The following RSPH6A variants were observed in gnomAD, a reference collection of about 807,000 sequenced individuals.
RSPH6A encodes the protein radial spoke head protein 6 homolog A.
A neutral mutation model predicts 66.1 loss-of-function variants in RSPH6A; 49 were observed. The observed-to-expected ratio is 0.74, with a 90% CI of 0.59 to 0.94. RSPH6A has a LOEUF of 0.94. RSPH6A is among the 40% of genes least tolerant of loss of function. The pLI is 0.00. For missense variants in RSPH6A, 977 were observed against 948.3 expected, an observed-to-expected ratio of 1.03 and a Z score of -0.40; for synonymous variants, 419 against 402.4, an observed-to-expected ratio of 1.04 and a Z score of -0.49.
At chr19:45,805,673 T>G (rs551720957) in intron 2 of RSPH6A, among the ~76,000 whole-genome samples, 1 of 148,294 alleles carries the variant, frequency 6.7e-6, no homozygotes, top group Non-Finnish European at 1.5e-5. Flanking sequence ...GCCTGGGTGA[T>G]AGAGTGAGAC....
intron 2 of RSPH6A, among the ~76,000 whole-genome samples, chr19:45,809,938 TTA>T (rs1316440829): frequency 2.0e-5 from 3 of 152,220 alleles, no homozygotes; most frequent in African/African-American, 7.2e-5. Context: ...CATGCATTTT[TTA>T]TGAGTCATTT....
In RSPH6A at chr19:45,800,530, A is replaced by G. The variant is rs199759812; in HGVS notation, c.1832T>C (p.Leu611Pro). The change falls in exon 5 of 6, where the codon CTG becomes CCG. Residue 611 changes from leucine (L) to proline (P), a missense_variant. By Grantham distance (98) the Leu-to-Pro change is moderately conservative. Transcript: ENST00000221538. ...IMHLAPWTTR[L>P]SCSLCPQYSV... ...GTACTGCGGGCAGAGGCTGCAGGAC[A>G]GGCGGGTGGTCCAGGGTGCCAGGTG... 7.4e-6 allele frequency: 12 copies of G among 1,613,150 alleles called. No homozygotes were observed. In the African/African-American group the frequency reaches 1.3e-4, roughly 18 times the overall value.
chr19:45,797,679 C>T (rs1970422835), intron 5 of RSPH6A, among the ~76,000 whole-genome samples: 1 of 151,612 alleles, frequency 6.6e-6, no homozygotes, highest in Non-Finnish European at 1.5e-5. Context: ...GGGCTCGAGA[C>T]CACCCTGGTG....
rs1970675704 is a variant in RSPH6A at position 45,814,541 on chromosome 19, A to G, written c.636T>C (p.Asn212=). The change falls in exon 1 of 6, where the codon AAT becomes AAC. Residue 212 remains asparagine (N), a synonymous_variant. Coordinates refer to ENST00000221538, the MANE Select transcript of RSPH6A (RefSeq NM_030785.4). ...CCCCTGCTCACAGGCTGAGGTCGCA[A>G]TTGATGCTGGTCTGCAGCAGGTAGG... ...AKAYLLQTSI[N]CDLSLYEHLV... is the part of the protein sequence containing the mutation. The G allele has an allele frequency of 3.3e-6, 5 of 1,509,786 alleles. No homozygotes were observed. The highest frequency in any genetic ancestry group is 4.5e-5 in the Admixed American group (2 of 44,524). The allele number at this position is 1,509,786 out of a possible 1,614,324, so 93.5% of individuals were successfully genotyped here.
chr19:45,802,585 C>T (rs1412980837), intron 3 of RSPH6A, among the ~76,000 whole-genome samples: 1 of 148,462 alleles, frequency 6.7e-6, no homozygotes, highest in African/African-American at 2.5e-5. Context: ...TGGCTCACTG[C>T]AACCTCTGCC....
Position 45,795,997 on chromosome 19 carries a change from T to C in RSPH6A, c.2026A>G (p.Met676Val), listed in dbSNP as rs1384296339. ...QQEYPSGPEI[M>V]EMSDPTVEEE... is the part of the protein sequence containing the mutation. Reference sequence around the variant, plus strand: ...TCCACTGTGGGGTCACTCATCTCCATGATCTCTGGGCCACTGGGGTACTCT... The same window carrying C: ...TCCACTGTGGGGTCACTCATCTCCACGATCTCTGGGCCACTGGGGTACTCT... Residue 676 changes from methionine to valine, a missense_variant, in exon 6 of 6, where the codon ATG becomes GTG. Coordinates refer to ENST00000221538, the MANE Select transcript of RSPH6A (RefSeq NM_030785.4). 4 of 1,613,712 alleles carry C rather than the reference T, an allele frequency of 2.5e-6. No individual in the cohort carries two copies. The highest frequency in any genetic ancestry group is 2.2e-5 in the South Asian group (2 of 91,062).
chr19:45,806,674 A>C (rs1970548181), intron 2 of RSPH6A, among the ~76,000 whole-genome samples: 1 of 4,606 alleles, frequency 2.2e-4, no homozygotes, highest in Admixed American at 1.6e-3. Context: ...CTGTCTCAAA[A>C]AAAAAAAAAA....
At position 45,804,963 on chromosome 19, in the gene RSPH6A, G is replaced by C; in HGVS notation, c.942C>G (p.Ala314=). 6.2e-7 allele frequency: 1 copy of C among 1,613,922 alleles called. No homozygotes were observed. Among genetic ancestry groups the C allele is most frequent in the African/African-American group, 1.3e-5 (1 of 75,042 alleles). Residue 314 remains alanine, a synonymous_variant, in exon 3 of 6, where the codon GCC becomes GCG. Transcript: ENST00000221538. This position sits in a 1 kb window ranked among gnomAD's most constrained non-coding sequence, Gnocchi z 5.8. ...TCTCGTCCGAGCTCAGGCCGACGCC[G>C]GCCTGCTCGAAGTAGAAGGCAGTCT... ...IMETAFYFEQ[A]GVGLSSDESF...
chr19:45,806,640 C>T (rs1970546655), intron 2 of RSPH6A, among the ~76,000 whole-genome samples: 1 of 114,226 alleles, frequency 8.8e-6, no homozygotes, highest in African/African-American at 3.3e-5. Context: ...CACTGCACTC[C>T]AGCCTGGGTG....
chr19:45,806,938 A>G (rs1016497474), intron 2 of RSPH6A, among the ~76,000 whole-genome samples: 2 of 151,590 alleles, frequency 1.3e-5, no homozygotes, highest in African/African-American at 2.4e-5. Flanking sequence ...TCTGTCACCC[A>G]GGCTGGAGTG....
In RSPH6A at chr19:45,804,676, G is replaced by A. The variant is rs186156470; in HGVS notation, c.1229C>T (p.Pro410Leu). 19 of 1,613,810 alleles carry A rather than the reference G, an allele frequency of 1.2e-5. No homozygotes were observed. Among genetic ancestry groups the A allele is most frequent in the Middle Eastern group, 1.7e-4 (1 of 6,060 alleles). Reference protein sequence around the residue: ...VDIVPKSVWKPPPVIPKEESR... With the variant: ...VDIVPKSVWKLPPVIPKEESR... Reference sequence around the variant, plus strand: ...CTCCTCCTTGGGGATCACGGGCGGCGGCTTCCATACGGACTTAGGGACGAT... The same window carrying A: ...CTCCTCCTTGGGGATCACGGGCGGCAGCTTCCATACGGACTTAGGGACGAT... The change falls in exon 3 of 6, where the codon CCG becomes CTG. Residue 410 changes from proline (P) to leucine (L), a missense_variant. By Grantham distance (98) the Pro-to-Leu change is moderately conservative. Coordinates refer to ENST00000221538, the MANE Select transcript of RSPH6A (RefSeq NM_030785.4). The surrounding 1 kb of genome is among the most constrained non-coding windows in gnomAD (Gnocchi z 5.8).
At chr19:45,813,700 C>T (rs911838160) in intron 1 of RSPH6A, among the ~76,000 whole-genome samples, 1 of 152,186 alleles carries the variant, frequency 6.6e-6, no homozygotes, top group African/African-American at 2.4e-5. Flanking sequence ...TATTTTTCAC[C>T]TGAGTCCTTA....
chr19:45,802,379 G>T, intron 3 of RSPH6A, 115 bp from the exon 4 acceptor site: 1 of 874,500 alleles, frequency 1.1e-6, no homozygotes, highest in Non-Finnish European at 1.5e-6. Flanking sequence ...CCCAGGCACA[G>T]GCAAGAGGGC....
intron 2 of RSPH6A, among the ~76,000 whole-genome samples, chr19:45,806,468 C>T (rs942307680): frequency 2.6e-5 from 4 of 151,716 alleles, no homozygotes; most frequent in Non-Finnish European, 4.4e-5. Flanking sequence ...GTCAGGAGAT[C>T]GAGACCATCC....
rs775661392 is a variant in RSPH6A, at chr19:45,814,991, G to A, written c.186C>T (p.Ser62=). The A allele has an allele frequency of 3.1e-6, 5 of 1,613,950 alleles. No individual in the cohort carries two copies. The South Asian group carries it at 5.5e-5, about 18-fold the overall frequency. The part of the protein sequence containing the change: ...RNAPGWSQRG[S]LSQQENLLMP... Reference sequence around the variant, plus strand: ...TCAGCAAGTTCTCCTGTTGGGACAGGCTGCCCCTCTGTGACCAACCAGGGG... The same window carrying A: ...TCAGCAAGTTCTCCTGTTGGGACAGACTGCCCCTCTGTGACCAACCAGGGG... The change falls in exon 1 of 6, where the codon AGC becomes AGT. Residue 62 remains serine, a synonymous_variant. Coordinates refer to ENST00000221538, the MANE Select transcript of RSPH6A (RefSeq NM_030785.4).
chr19:45,796,785 T>C (rs187327537), intron 5 of RSPH6A, among the ~76,000 whole-genome samples: 39 of 152,206 alleles, frequency 2.6e-4, no homozygotes, highest in Middle Eastern at 3.4e-3. Context: ...AGTGCTGGGA[T>C]CACAGGCATG....
chr19:45,813,096 A>G lies in RSPH6A; in HGVS notation c.650+1431T>C, dbSNP rs1047101141. ...TTCTGAGCATTGGAGGGACACGGCC[A>G]GCTTTGTGCTTTAATAAGAACCATT... On this transcript the variant is annotated intron_variant, in intron 1 of 5. Transcript: ENST00000221538. Among the ~76,000 whole-genome samples, 16 of 152,192 alleles carry G rather than the reference A, an allele frequency of 1.1e-4. 1 individual carries two copies. Among genetic ancestry groups the G allele is most frequent in the Non-Finnish European group, 1.8e-4 (12 of 67,996 alleles).
At chr19:45,810,498 G>A in intron 2 of RSPH6A, 105 bp downstream of exon 2, 2 of 1,069,022 alleles carry the variant, frequency 1.9e-6, no homozygotes, top group East Asian at 2.4e-5. Flanking sequence ...TGACTGGATT[G>A]TGCAATGCTG....
At position 45,815,051 on chromosome 19, in the gene RSPH6A, C is replaced by T. The variant is rs533363328; in HGVS notation, c.126G>A (p.Glu42=). Residue 42 remains glutamate (E), a synonymous_variant, in exon 1 of 6, where the codon GAG becomes GAA. Coordinates refer to ENST00000221538, the MANE Select transcript of RSPH6A (RefSeq NM_030785.4). Reference sequence around the variant, plus strand: ...GGGCGTCTGGAGGTATCTGCTGCCTCTCCTCGGGGTCCGCTGCCAGGGCCT... The same window carrying T: ...GGGCGTCTGGAGGTATCTGCTGCCTTTCCTCGGGGTCCGCTGCCAGGGCCT... ...QAQALAADPE[E]RQQIPPDAQR... 2 of 1,613,688 alleles carry T rather than the reference C, an allele frequency of 1.2e-6. No homozygotes were observed. Among genetic ancestry groups the T allele is most frequent in the South Asian group, 1.1e-5 (1 of 91,086 alleles).
Sources: allele counts gnomAD v4.1 joint callset (sites outside exome capture counted in the v4.1 genomes callset), GRCh38; gene constraint gnomAD v4.1.1; non-coding constraint Gnocchi (gnomAD v3.1); transcripts MANE v1.5; gene names NCBI Gene and HGNC (gene_info 2026-07-23, HGNC 2026-07-21).